ZCCHC4: variants seen among roughly 807,000 people sequenced by gnomAD.
ZCCHC4 encodes the protein zinc finger CCHC-type containing 4, also known as rRNA N(6)-adenosine-methyltransferase ZCCHC4.
ZCCHC4 carries 54 observed loss-of-function variants against 67.7 expected under a neutral mutation model. The ratio of observed to expected loss-of-function variants is 0.80; its 90% CI spans 0.64 to 1.00. ZCCHC4 has a LOEUF of 1.00. Among genes scored for constraint, ZCCHC4 ranks in the 50% least tolerant of loss-of-function variants. The probability of loss-of-function intolerance (pLI) is 0.00; values close to 1 mark genes in which losing one functional copy is unlikely to be tolerated. For missense variants in ZCCHC4, 609 were observed against 617.0 expected (o/e 0.99, Z 0.14); for synonymous variants, 198 against 213.5 (o/e 0.93, Z 0.63).
At chr4:25,346,036 C>T (rs1719994651) in intron 6 of ZCCHC4, among the ~76,000 whole-genome samples, 1 of 152,184 alleles carries the variant, frequency 6.6e-6, no homozygotes, top group Non-Finnish European at 1.5e-5. Context: ...TGATAACCTC[C>T]ACTCATGTTT....
chr4:25,320,585 G>T (rs924280119), intron 3 of ZCCHC4, among the ~76,000 whole-genome samples: 1 of 152,212 alleles, frequency 6.6e-6, no homozygotes, highest in Non-Finnish European at 1.5e-5. Context: ...ATACGAATAA[G>T]GGGGGAAAGC....
intron 5 of ZCCHC4, among the ~76,000 whole-genome samples, chr4:25,337,239 T>C (rs1270682786): frequency 6.6e-6 from 1 of 152,196 alleles, no homozygotes; most frequent in Non-Finnish European, 1.5e-5. Flanking sequence ...TTTATTGATT[T>C]ACATTACTGA....
intron 5 of ZCCHC4, among the ~76,000 whole-genome samples, chr4:25,336,549 C>G (rs1440285007): frequency 2.0e-5 from 3 of 152,084 alleles, no homozygotes; most frequent in African/African-American, 7.2e-5. Flanking sequence ...TGCAATGGTG[C>G]GATCTCAGCT....
intron 12 of ZCCHC4, chr4:25,366,068 T>A (rs1399380801): frequency 2.1e-6 from 2 of 975,564 alleles, no homozygotes. Flanking sequence ...AAAAATTGAT[T>A]TGTGTTAGAA....
At chr4:25,335,664 G>A (rs1042427022) in intron 5 of ZCCHC4, among the ~76,000 whole-genome samples, 2 of 152,322 alleles carry the variant, frequency 1.3e-5, no homozygotes, top group East Asian at 3.9e-4. Context: ...GGAGGCTGAG[G>A]TCAGAGGATT....
chr4:25,356,089 T>A (rs551007450), intron 8 of ZCCHC4, among the ~76,000 whole-genome samples: 1 of 152,354 alleles, frequency 6.6e-6, no homozygotes, highest in South Asian at 2.1e-4. Context: ...ACAGAAGACA[T>A]TTGCGTATAG....
intron 9 of ZCCHC4, 79 bp downstream of exon 9, chr4:25,362,059 G>A (rs780355997): frequency 5.2e-6 from 8 of 1,524,744 alleles, no homozygotes; most frequent in Non-Finnish European, 7.1e-6. Context: ...AATGCTTTCA[G>A]TATTGAATCA....
At chr4:25,317,501 C>T (rs1317186837) in intron 3 of ZCCHC4, among the ~76,000 whole-genome samples, 1 of 152,004 alleles carries the variant, frequency 6.6e-6, no homozygotes, top group East Asian at 1.9e-4. Context: ...CACTTGAGGT[C>T]AGGAGTTCGA....
intron 6 of ZCCHC4, among the ~76,000 whole-genome samples, chr4:25,346,279 A>G (rs1720016808): frequency 6.6e-6 from 1 of 152,122 alleles, no homozygotes; most frequent in Non-Finnish European, 1.5e-5. Flanking sequence ...GCTTCTTTCA[A>G]TTTGAGGTTA....
At chr4:25,326,181 C>G (rs1048366461) in intron 3 of ZCCHC4, among the ~76,000 whole-genome samples, 5 of 152,206 alleles carry the variant, frequency 3.3e-5, no homozygotes, top group African/African-American at 1.2e-4. Context: ...CTTGCTTTTT[C>G]CAGCGTCTGG....
chr4:25,351,664 C>G lies in ZCCHC4; in HGVS notation c.986C>G (p.Pro329Arg). The G allele has an allele frequency of 6.2e-7, 1 of 1,611,880 alleles. No individual in the cohort carries two copies. The highest frequency in any genetic ancestry group is 8.5e-7 in the Non-Finnish European group (1 of 1,179,044). ...GAATCCCGAATTTGTCAGTTTTTTC[C>G]AAGCTTCCAGATGCTGGATTACCAG... ...FFESRICQFF[P>R]SFQMLDYQVD... Residue 329 changes from proline to arginine, a missense_variant, in exon 8 of 13, where the codon CCA becomes CGA. Transcript: ENST00000302874.
At position 25,315,373 on chromosome 4, in the gene ZCCHC4, C is replaced by T; in HGVS notation, c.302C>T (p.Pro101Leu). Residue 101 changes from proline (P) to leucine (L), a missense_variant, in exon 3 of 13, where the codon CCC becomes CTC. Coordinates refer to ENST00000302874, the MANE Select transcript of ZCCHC4 (RefSeq NM_024936.3). ...REAHNRRCQP[P>L]LSRTQCVERY... ...GCTCATAACCGAAGATGTCAGCCTC[C>T]CCTGTCCCGAACGCAGTGTGTGGAA... The T allele has an allele frequency of 6.2e-7, 1 of 1,613,058 alleles. No individual in the cohort carries two copies. Among genetic ancestry groups the T allele is most frequent in the East Asian group, 2.2e-5 (1 of 44,832 alleles).
chr4:25,363,047 G>A (rs551011401), intron 10 of ZCCHC4, among the ~76,000 whole-genome samples: 10 of 152,198 alleles, frequency 6.6e-5, no homozygotes, highest in Admixed American at 6.5e-4. Flanking sequence ...GTTGACATTA[G>A]GTTCACTCTT....
At chr4:25,317,886 TG>T (rs1037203375) in intron 3 of ZCCHC4, among the ~76,000 whole-genome samples, 15 of 152,182 alleles carry the variant, frequency 9.9e-5, no homozygotes, top group Admixed American at 5.9e-4. Context: ...AGTACTAAGC[TG>T]TGACTCATCT....
At chr4:25,336,240 A>G (rs1300495356) in intron 5 of ZCCHC4, among the ~76,000 whole-genome samples, 3 of 152,162 alleles carry the variant, frequency 2.0e-5, no homozygotes, top group Non-Finnish European at 2.9e-5. Flanking sequence ...AATAAAATCT[A>G]TGACCTTTGT....
At chr4:25,356,225 T>C (rs1307570284) in intron 8 of ZCCHC4, among the ~76,000 whole-genome samples, 1 of 152,140 alleles carries the variant, frequency 6.6e-6, no homozygotes, top group Non-Finnish European at 1.5e-5. Flanking sequence ...ATCATCATTG[T>C]GAGTGAAATG....
chr4:25,314,035 TCTGGAACTAGGACCCAC>T lies in ZCCHC4; in HGVS notation c.128-10_134del. ...TGACACTTTTTTTTTTTTTTTCTAT[TCTGGAACTAGGACCCAC>T]TCTTCTGTTTGTAAAGGTGACCCAA... On this transcript the variant is annotated splice_acceptor_variant and splice_polypyrimidine_tract_variant and coding_sequence_variant and intron_variant, in exon 2 of 13. Coordinates refer to ENST00000302874, the MANE Select transcript of ZCCHC4 (RefSeq NM_024936.3). LOFTEE classifies it high-confidence loss of function. 1 of 1,446,226 alleles carries T rather than the reference TCTGGAACTAGGACCCAC, an allele frequency of 6.9e-7. No homozygotes were observed. Among genetic ancestry groups the T allele is most frequent in the Non-Finnish European group, 9.5e-7 (1 of 1,052,010 alleles). 89.6% of individuals were successfully genotyped at this position (1,446,226 alleles called of 1,614,324 possible).
chr4:25,365,931 G>C, intron 12 of ZCCHC4: 1 of 984,024 alleles, frequency 1.0e-6, no homozygotes, highest in Non-Finnish European at 1.2e-6. Flanking sequence ...TTATTGCTAA[G>C]AAAACTAATG....
intron 5 of ZCCHC4, among the ~76,000 whole-genome samples, chr4:25,335,389 A>C (rs897601782): frequency 1.3e-4 from 20 of 152,162 alleles, no homozygotes; most frequent in Non-Finnish European, 1.6e-4. Flanking sequence ...TGGAGGTTGC[A>C]GTGAGCTGAG....
Sources: gnomAD v4.1 joint callset for allele counts (sites outside exome capture counted in the v4.1 genomes callset) on GRCh38, gnomAD v4.1.1 for gene constraint, MANE v1.5 for transcripts, NCBI Gene and HGNC (gene_info 2026-07-23, HGNC 2026-07-21) for gene names.